The following GSE1 variants were observed in gnomAD, a reference collection of about 807,000 sequenced individuals.
GSE1 encodes the protein genetic suppressor element 1.
In GSE1, 32 loss-of-function variants were observed where a neutral mutation model predicts 112.6. The ratio of observed to expected loss-of-function variants is 0.28; its 90% CI spans 0.21 to 0.38. The LOEUF is 0.38. GSE1 is among the 10% of genes least tolerant of loss of function. GSE1 has a pLI of 1.00. For missense variants in GSE1, 2,348 were observed against 1,699.2 expected (o/e 1.38, Z -6.71); for synonymous variants, 1,115 against 735.6 (o/e 1.52, Z -8.35).
chr16:85,664,969 A>G, intron 11 of GSE1, 46 bp from the exon 12 acceptor site: 1 of 1,271,022 alleles, frequency 7.9e-7, no homozygotes, highest in Non-Finnish European at 1.2e-6. Context: ...TTCTCTCCAA[A>G]AAATGATGCA....
At chr16:85,596,617 T>A (rs567408230) in intron 1 of GSE1, among the ~76,000 whole-genome samples, 4 of 152,266 alleles carry the variant, frequency 2.6e-5, no homozygotes, top group Admixed American at 2.6e-4. Flanking sequence ...TGCTTAATTT[T>A]AAAATTTTAA....
intron 1 of GSE1, among the ~76,000 whole-genome samples, chr16:85,557,846 GT>G (rs1349423841): frequency 6.6e-6 from 1 of 150,824 alleles, no homozygotes; most frequent in African/African-American, 2.4e-5. Flanking sequence ...TTTGAGTTTC[GT>G]GGTGTCTGTT....
chr16:85,206,669 C>CCCGT (rs1252349676), intron 1 of GSE1, among the ~76,000 whole-genome samples: 1 of 151,480 alleles, frequency 6.6e-6, no homozygotes, highest in Non-Finnish European at 1.5e-5. Context: ...CCTGCCCCTG[C>CCCGT]CCGTCCCCTC....
intron 2 of GSE1, among the ~76,000 whole-genome samples, chr16:85,453,716 T>C (rs1345645387): frequency 1.3e-5 from 2 of 152,036 alleles, no homozygotes; most frequent in African/African-American, 4.8e-5. Flanking sequence ...TGTGGGGGGA[T>C]CCTACTTCAT....
chr16:85,630,828 C>A (rs1567680922), intron 1 of GSE1, among the ~76,000 whole-genome samples: 1 of 152,276 alleles, frequency 6.6e-6, no homozygotes, highest in South Asian at 2.1e-4. Flanking sequence ...ATCTCCTGGT[C>A]TCGGTTTCCC....
chr16:85,588,890 C>T (rs1252137681), intron 1 of GSE1, among the ~76,000 whole-genome samples: 2 of 152,126 alleles, frequency 1.3e-5, no homozygotes, highest in Non-Finnish European at 2.9e-5. Flanking sequence ...GGCAGCTGTG[C>T]GCACAGCTCT....
chr16:85,354,289 C>T (rs562799954), intron 1 of GSE1, among the ~76,000 whole-genome samples: 44 of 152,316 alleles, frequency 2.9e-4, no homozygotes, highest in African/African-American at 9.9e-4. Flanking sequence ...AGGTCAAACC[C>T]GTATCCCTCC....
At chr16:85,174,342 G>A (rs1187211871) in intron 1 of GSE1, among the ~76,000 whole-genome samples, 2 of 152,238 alleles carry the variant, frequency 1.3e-5, no homozygotes, top group African/African-American at 4.8e-5. Context: ...GCCCAGAGGT[G>A]GCAGCAATCC....
chr16:85,622,595 G>A (rs1236099990), intron 1 of GSE1, among the ~76,000 whole-genome samples: 1 of 152,194 alleles, frequency 6.6e-6, no homozygotes, highest in Non-Finnish European at 1.5e-5. Context: ...GTATTTTCCT[G>A]GGGAGAGGGT....
chr16:85,171,118 C>T (rs2074352649), exon 1 of GSE1: 1 of 985,644 alleles, frequency 1.0e-6, no homozygotes, highest in Non-Finnish European at 1.2e-6. Flanking sequence ...CTGTGAAGTC[C>T]GCAGCTGCCC....
At chr16:85,495,288 C>A (rs953465811) in intron 2 of GSE1, among the ~76,000 whole-genome samples, 1 of 151,758 alleles carries the variant, frequency 6.6e-6, no homozygotes, top group South Asian at 2.1e-4. Context: ...GGTGTGGGGG[C>A]GAGGAGGGAG....
At chr16:85,465,635 T>A (rs747849483) in intron 2 of GSE1, among the ~76,000 whole-genome samples, 1 of 152,130 alleles carries the variant, frequency 6.6e-6, no homozygotes, top group African/African-American at 2.4e-5. Flanking sequence ...AAATGCCACC[T>A]CCTCCAAGAA....
intron 1 of GSE1, among the ~76,000 whole-genome samples, chr16:85,258,267 C>T (rs1907293108): frequency 1.3e-5 from 2 of 152,220 alleles, no homozygotes; most frequent in African/African-American, 4.8e-5. Context: ...CTGGGAGCAG[C>T]CCAGTTCCCT....
chr16:85,555,761 G>A, upstream of GSE1: 2 of 975,162 alleles, frequency 2.1e-6, no homozygotes, highest in Non-Finnish European at 2.4e-6. Flanking sequence ...ACATTCAAAT[G>A]GCTGAATGGA....
exon 1 of GSE1, chr16:85,171,200 C>G: frequency 1.0e-6 from 1 of 985,640 alleles, no homozygotes; most frequent in South Asian, 4.7e-5. Flanking sequence ...CTCATCACCT[C>G]CGTGCAGGGC....
intron 1 of GSE1, among the ~76,000 whole-genome samples, chr16:85,205,624 T>C (rs1278705482): frequency 6.6e-6 from 1 of 151,954 alleles, no homozygotes; most frequent in African/African-American, 2.4e-5. Context: ...GCTCCAGGGC[T>C]CTACACTGGG....
intron 1 of GSE1, among the ~76,000 whole-genome samples, chr16:85,261,970 G>C (rs1454183786): frequency 6.6e-6 from 1 of 152,122 alleles, no homozygotes; most frequent in East Asian, 1.9e-4. Context: ...ATGTCGGGAT[G>C]TTTGTCTCCC....
chr16:85,355,245 G>C (rs546427468), intron 1 of GSE1, among the ~76,000 whole-genome samples: 2 of 151,922 alleles, frequency 1.3e-5, no homozygotes, highest in African/African-American at 4.8e-5. Context: ...ACAAAAAACC[G>C]GATCAACAGA....
At chr16:85,375,683 C>T (rs1284500825) in intron 2 of GSE1, among the ~76,000 whole-genome samples, 1 of 151,380 alleles carries the variant, frequency 6.6e-6, no homozygotes, top group African/African-American at 2.5e-5. Context: ...CCAGGCAGCA[C>T]CCAGAGCGCC....
Sources: allele counts gnomAD v4.1 joint callset (sites outside exome capture counted in the v4.1 genomes callset), GRCh38; gene constraint gnomAD v4.1.1; transcripts MANE v1.5; gene names NCBI Gene and HGNC (gene_info 2026-07-23, HGNC 2026-07-21).